The following GPHN variants were observed in gnomAD, a reference collection of about 807,000 sequenced individuals.
The protein encoded by GPHN is gephyrin.
GPHN carries 17 observed loss-of-function variants against 95.5 expected under a neutral mutation model. The ratio of observed to expected loss-of-function variants is 0.18; its 90% confidence interval spans 0.12 to 0.27. The LOEUF is 0.27. Among genes scored for constraint, GPHN ranks in the 10% least tolerant of loss-of-function variants. The pLI is 1.00. For missense variants in GPHN, 660 were observed against 978.1 expected (o/e 0.67, Z 4.34); for synonymous variants, 320 against 322.5 (o/e 0.99, Z 0.08).
chr14:66,761,659 CTTTT>C (rs753179169), intron 2 of GPHN, among the ~76,000 whole-genome samples: 1 of 135,628 alleles, frequency 7.4e-6, no homozygotes, highest in Non-Finnish European at 1.6e-5. Flanking sequence ...ATACTCAGTT[CTTTT>C]TTTTTTTTTT....
At chr14:67,215,797 GT>G in the GPHN span, among the ~76,000 whole-genome samples, 1 of 152,044 alleles carries the variant, frequency 6.6e-6, no homozygotes, top group African/African-American at 2.4e-5. Flanking sequence ...TCTTCCTTAT[GT>G]TTTATTTCAT....
At chr14:67,142,561 T>C (rs941843824) in intron 17 of GPHN, among the ~76,000 whole-genome samples, 1 of 152,220 alleles carries the variant, frequency 6.6e-6, no homozygotes, top group African/African-American at 2.4e-5. Flanking sequence ...CTAATATTAA[T>C]ATCCTATATG....
chr14:66,518,596 A>G (rs1414850115), intron 1 of GPHN, among the ~76,000 whole-genome samples: 1 of 152,158 alleles, frequency 6.6e-6, no homozygotes, highest in African/African-American at 2.4e-5. Context: ...GGTGTCCAAC[A>G]GCAGATTAAT....
At chr14:66,676,848 A>T (rs751851670) in intron 1 of GPHN, among the ~76,000 whole-genome samples, 5 of 152,056 alleles carry the variant, frequency 3.3e-5, no homozygotes, top group Middle Eastern at 3.4e-3. Context: ...ATTAGGAAGA[A>T]TTTCCACCTT....
At chr14:67,053,539 G>C (rs1175967223) in intron 10 of GPHN, among the ~76,000 whole-genome samples, 1 of 152,188 alleles carries the variant, frequency 6.6e-6, no homozygotes, top group East Asian at 1.9e-4. Context: ...GAGGTACAAA[G>C]AGGAGCTGGT....
At chr14:66,599,460 C>T (rs1315745809) in intron 1 of GPHN, among the ~76,000 whole-genome samples, 5 of 124,416 alleles carry the variant, frequency 4.0e-5, no homozygotes, top group Non-Finnish European at 6.3e-5. Context: ...ACAGTCTTCT[C>T]GATTATTTTA....
At chr14:66,768,027 A>G (rs1344266289) in intron 2 of GPHN, among the ~76,000 whole-genome samples, 6 of 152,016 alleles carry the variant, frequency 3.9e-5, no homozygotes, top group Non-Finnish European at 8.8e-5. Flanking sequence ...AAATATATGG[A>G]TCTATTTGAA....
chr14:67,591,601 A>C, the GPHN span, among the ~76,000 whole-genome samples: 54 of 152,276 alleles, frequency 3.5e-4, no homozygotes, highest in Admixed American at 3.2e-3. Flanking sequence ...CCATGATCAA[A>C]GCTCACTGCA....
intron 18 of GPHN, among the ~76,000 whole-genome samples, chr14:67,156,158 A>T (rs980448350): frequency 6.6e-6 from 1 of 152,206 alleles, no homozygotes; most frequent in Non-Finnish European, 1.5e-5. Flanking sequence ...CATGTCAGCA[A>T]ATGTAAATGA....
intron 1 of GPHN, among the ~76,000 whole-genome samples, chr14:66,661,271 C>CT (rs2065628564): frequency 4.6e-5 from 7 of 152,180 alleles, no homozygotes; most frequent in Admixed American, 4.6e-4. Flanking sequence ...AACAGAGTTG[C>CT]TGGCGGGAGG....
intron 2 of GPHN, among the ~76,000 whole-genome samples, chr14:66,719,301 A>G (rs2070499834): frequency 2.0e-5 from 3 of 152,208 alleles, no homozygotes; most frequent in Admixed American, 2.0e-4. Flanking sequence ...GAAAGCTCAC[A>G]GGACTTTTTC....
the GPHN span, among the ~76,000 whole-genome samples, chr14:67,665,600 T>G: frequency 6.6e-6 from 1 of 152,086 alleles, no homozygotes; most frequent in East Asian, 1.9e-4. Flanking sequence ...CATAAATCAT[T>G]TTGGATGCGT....
chr14:67,330,649 G>C, the GPHN span, among the ~76,000 whole-genome samples: 6 of 151,884 alleles, frequency 4.0e-5, no homozygotes, highest in Non-Finnish European at 8.8e-5. Flanking sequence ...GTAGAGATGG[G>C]GTTTCTCCAT....
At chr14:67,725,068 A>G in the GPHN span, 5,046 of 1,613,630 alleles carry the variant, frequency 3.1e-3, 161 homozygotes, top group African/African-American at 0.059. Flanking sequence ...TAGGATATGA[A>G]CATACTGCTC....
intron 1 of GPHN, among the ~76,000 whole-genome samples, chr14:66,633,413 A>G (rs1052206276): frequency 3.3e-5 from 5 of 152,190 alleles, no homozygotes; most frequent in African/African-American, 1.2e-4. Flanking sequence ...AGTTTTACCA[A>G]ACTTCAACCT....
intron 4 of GPHN, among the ~76,000 whole-genome samples, chr14:66,841,068 T>C (rs1484648191): frequency 6.6e-6 from 1 of 150,954 alleles, no homozygotes; most frequent in Non-Finnish European, 1.5e-5. Flanking sequence ...CCAGGCACTG[T>C]TTAAGATGTT....
At chr14:66,619,377 G>A (rs2063188884) in intron 1 of GPHN, among the ~76,000 whole-genome samples, 1 of 151,630 alleles carries the variant, frequency 6.6e-6, no homozygotes, top group Admixed American at 6.6e-5. Flanking sequence ...ACCCACATTT[G>A]TTATGTTTGG....
chr14:66,566,501 T>A (rs1203260895), intron 1 of GPHN, among the ~76,000 whole-genome samples: 2 of 151,774 alleles, frequency 1.3e-5, no homozygotes, highest in Non-Finnish European at 2.9e-5. Context: ...AAATACTTTC[T>A]TATTGTCTAC....
chr14:66,640,287 T>C (rs1369730620), intron 1 of GPHN, among the ~76,000 whole-genome samples: 1 of 152,110 alleles, frequency 6.6e-6, no homozygotes, highest in African/African-American at 2.4e-5. Flanking sequence ...CTGGGCGTGG[T>C]GGCACGTGCC....
Sources: gnomAD v4.1 joint callset for allele counts (sites outside exome capture counted in the v4.1 genomes callset) on GRCh38, gnomAD v4.1.1 for gene constraint, MANE v1.5 for transcripts, NCBI Gene and HGNC (gene_info 2026-07-23, HGNC 2026-07-21) for gene names.